IMMP2L: variants seen among roughly 807,000 people sequenced by gnomAD.
IMMP2L encodes mitochondrial inner membrane protease subunit 2.
A neutral mutation model predicts 19.3 loss-of-function variants in IMMP2L; 18 were observed. That is an observed-to-expected ratio of 0.93 (90% confidence interval 0.64 to 1.38). IMMP2L has a LOEUF of 1.38. Among genes scored for constraint, IMMP2L ranks in the 40% most tolerant of loss-of-function variants. The pLI is 0.00. For synonymous variants in IMMP2L, 76 were observed against 73.0 expected (o/e 1.04, Z -0.21); for missense variants, 233 against 218.2 (o/e 1.07, Z -0.43).
At chr7:110,873,163 C>T (rs946809669) in intron 5 of IMMP2L, among the ~76,000 whole-genome samples, 4 of 151,984 alleles carry the variant, frequency 2.6e-5, no homozygotes, top group Non-Finnish European at 4.4e-5. Flanking sequence ...AAAAGAAAAT[C>T]CCAGCACCTT....
chr7:111,207,699 C>A (rs1810874846), intron 3 of IMMP2L, among the ~76,000 whole-genome samples: 1 of 151,790 alleles, frequency 6.6e-6, no homozygotes, highest in East Asian at 1.9e-4. Flanking sequence ...CCATGTCCAG[C>A]TAATTTTCAT....
intron 3 of IMMP2L, among the ~76,000 whole-genome samples, chr7:111,075,564 T>C (rs1047556515): frequency 6.6e-5 from 10 of 152,238 alleles, no homozygotes; most frequent in African/African-American, 2.4e-4. Flanking sequence ...TCCTTTCTTC[T>C]TGAGAATGTT....
chr7:111,474,674 T>C (rs1413478937), intron 3 of IMMP2L, among the ~76,000 whole-genome samples: 1 of 152,042 alleles, frequency 6.6e-6, no homozygotes, highest in Non-Finnish European at 1.5e-5. Context: ...TTAACTGATT[T>C]CCCCCCTTGA....
chr7:111,292,563 T>C (rs1272284721), intron 3 of IMMP2L, among the ~76,000 whole-genome samples: 3 of 151,972 alleles, frequency 2.0e-5, no homozygotes, highest in African/African-American at 4.8e-5. Flanking sequence ...CCTAGCCTGG[T>C]TCAAAGAAAT....
intron 3 of IMMP2L, among the ~76,000 whole-genome samples, chr7:111,470,450 A>G (rs570148980): frequency 6.6e-6 from 1 of 152,154 alleles, no homozygotes; most frequent in African/African-American, 2.4e-5. Flanking sequence ...ACTATTCACA[A>G]TAGCAAAGAC....
intron 3 of IMMP2L, among the ~76,000 whole-genome samples, chr7:111,469,669 A>G (rs1469515731): frequency 1.3e-5 from 2 of 152,186 alleles, no homozygotes; most frequent in East Asian, 3.8e-4. Flanking sequence ...CTGGCTAGCC[A>G]TATGTACAAA....
At chr7:111,209,296 C>T (rs1377293489) in intron 3 of IMMP2L, among the ~76,000 whole-genome samples, 1 of 150,284 alleles carries the variant, frequency 6.7e-6, no homozygotes, top group Non-Finnish European at 1.5e-5. Context: ...ACTTGCGAGG[C>T]TGAGGCAGGA....
At chr7:110,881,638 T>G (rs1450565377) in intron 5 of IMMP2L, among the ~76,000 whole-genome samples, 1 of 152,234 alleles carries the variant, frequency 6.6e-6, no homozygotes, top group Non-Finnish European at 1.5e-5. Flanking sequence ...AAATTTGAAA[T>G]GGCTGATTTT....
chr7:110,691,069 T>C (rs367592608), intron 5 of IMMP2L, among the ~76,000 whole-genome samples: 11 of 152,210 alleles, frequency 7.2e-5, no homozygotes, highest in African/African-American at 2.4e-4. Context: ...AACTTCAAAT[T>C]ATACTACAAG....
At chr7:111,561,372 T>C (rs1275547506) in intron 1 of IMMP2L, among the ~76,000 whole-genome samples, 1 of 152,202 alleles carries the variant, frequency 6.6e-6, no homozygotes, top group East Asian at 1.9e-4. Context: ...CTTGTAATCT[T>C]GTTACTAACT....
intron 3 of IMMP2L, among the ~76,000 whole-genome samples, chr7:111,295,290 A>G (rs145347894): frequency 4.6e-4 from 70 of 152,028 alleles, no homozygotes; most frequent in African/African-American, 1.5e-3. Flanking sequence ...GAGGTCCCCA[A>G]TGCAGTATCA....
intron 1 of IMMP2L, among the ~76,000 whole-genome samples, chr7:111,538,948 C>T (rs905683480): frequency 6.7e-6 from 1 of 150,160 alleles, no homozygotes; most frequent in Non-Finnish European, 1.5e-5. Context: ...GGTGAAACCC[C>T]GTCTCTACTA....
rs555133870 is a variant in IMMP2L, at chr7:110,983,137, T to TTTTACAA, written c.240-19573_240-19572insTTGTAAA. Among the ~76,000 whole-genome samples, 310 of 152,106 alleles carry TTTTACAA rather than the reference T, an allele frequency of 2.0e-3. 2 individuals carry two copies. The highest frequency in any genetic ancestry group is 3.5e-3 in the Non-Finnish European group (235 of 67,898). On this transcript the variant is annotated intron_variant, in intron 3 of 5. Coordinates refer to ENST00000405709, the MANE Select transcript of IMMP2L (RefSeq NM_032549.4). ...AATAATTTTTACAAACAAATATAAA[T>TTTTACAA]ACATTGAAGAGTTCTGTTATTAAAA...
intron 3 of IMMP2L, among the ~76,000 whole-genome samples, chr7:111,273,664 G>A (rs1818720185): frequency 6.6e-6 from 1 of 152,060 alleles, no homozygotes. Flanking sequence ...ACTTCCCGAG[G>A]GAGCAAGGTC....
At chr7:111,487,087 A>G (rs571364026) in intron 3 of IMMP2L, 151 bp downstream of exon 3, 2 of 433,094 alleles carry the variant, frequency 4.6e-6, no homozygotes, top group African/African-American at 4.0e-5. Context: ...GCATTGTTAC[A>G]CTGCAAAATT....
At chr7:110,973,268 C>A (rs1375549344) in intron 3 of IMMP2L, among the ~76,000 whole-genome samples, 1 of 152,080 alleles carries the variant, frequency 6.6e-6, no homozygotes, top group African/African-American at 2.4e-5. Context: ...GTCAAATCAT[C>A]ACATTTTATA....
At chr7:111,203,283 C>A (rs1010341903) in intron 3 of IMMP2L, among the ~76,000 whole-genome samples, 1 of 151,724 alleles carries the variant, frequency 6.6e-6, no homozygotes, top group Non-Finnish European at 1.5e-5. Flanking sequence ...GATCTTGGCA[C>A]TGGGATACAG....
chr7:110,911,607 G>T (rs981764219), intron 4 of IMMP2L, among the ~76,000 whole-genome samples: 3 of 152,088 alleles, frequency 2.0e-5, no homozygotes, highest in African/African-American at 7.2e-5. Context: ...GCTGAAACAG[G>T]AGTTTTGAAA....
At chr7:111,399,363 C>T (rs1259097965) in intron 3 of IMMP2L, among the ~76,000 whole-genome samples, 2 of 151,780 alleles carry the variant, frequency 1.3e-5, no homozygotes, top group Non-Finnish European at 2.9e-5. Flanking sequence ...ACAAAGCAAA[C>T]AGATTAATTT....
Sources: allele counts gnomAD v4.1 joint callset (sites outside exome capture counted in the v4.1 genomes callset), GRCh38; gene constraint gnomAD v4.1.1; transcripts MANE v1.5; gene names NCBI Gene and HGNC (gene_info 2026-07-23, HGNC 2026-07-21).